Variants in TTC28 observed in about 807,000 individuals in gnomAD.
The protein encoded by TTC28 is tetratricopeptide repeat domain 28.
A neutral mutation model predicts 198.0 loss-of-function variants in TTC28; 61 were observed. The ratio of observed to expected loss-of-function variants is 0.31; its 90% confidence interval spans 0.25 to 0.38. TTC28 has a LOEUF of 0.38. Among genes scored for constraint, TTC28 ranks in the 10% least tolerant of loss-of-function variants. The probability of loss-of-function intolerance (pLI) is 1.00; values close to 1 mark genes in which losing one functional copy is unlikely to be tolerated. For synonymous variants in TTC28, 1,171 were observed against 1,297.8 expected (o/e 0.90, Z 2.10); for missense variants, 2,678 against 3,164.0 (o/e 0.85, Z 3.69).
chr22:28,606,821 G>A (rs1246113518), intron 2 of TTC28, among the ~76,000 whole-genome samples: 2 of 151,970 alleles, frequency 1.3e-5, no homozygotes, highest in Admixed American at 6.6e-5. Flanking sequence ...AAGATAAACA[G>A]GTAATAACAA....
chr22:28,655,761 G>C (rs1466132341), intron 1 of TTC28, among the ~76,000 whole-genome samples: 9 of 151,280 alleles, frequency 5.9e-5, no homozygotes, highest in Non-Finnish European at 1.3e-4. Flanking sequence ...TGAGGCAGGA[G>C]AATGGCGTGA....
At position 28,613,246 on chromosome 22, in the gene TTC28, CAAG is replaced by C. The variant is rs1477439240; in HGVS notation, c.381+16303_381+16305del. Among the ~76,000 whole-genome samples the C allele has an allele frequency of 7.2e-5, 11 of 152,112 alleles. No individual in the cohort carries two copies. In the South Asian group the frequency reaches 2.1e-3, roughly 29 times the overall value. On this transcript the variant is annotated intron_variant, in intron 2 of 22. Coordinates refer to ENST00000397906, the MANE Select transcript of TTC28 (RefSeq NM_001145418.2). ...CACATACACCCTCCCAAGACTAAAC[CAAG>C]AAGAAGTTGAATCCCTGAATAGACC...
chr22:28,640,277 T>G (rs1390869298), intron 1 of TTC28, among the ~76,000 whole-genome samples: 1 of 71,170 alleles, frequency 1.4e-5, no homozygotes, highest in Admixed American at 1.9e-4. Flanking sequence ...AAAGAAAAAA[T>G]CCCCAAAATC....
At chr22:28,099,125 C>G in intron 9 of TTC28, 81 bp from the exon 10 acceptor site, 1 of 1,509,910 alleles carries the variant, frequency 6.6e-7, no homozygotes, top group South Asian at 1.3e-5. Flanking sequence ...AACTTTTGCT[C>G]ATATCTTTGT....
chr22:28,475,497 C>A (rs1192617090), intron 2 of TTC28, among the ~76,000 whole-genome samples: 1 of 152,092 alleles, frequency 6.6e-6, no homozygotes, highest in African/African-American at 2.4e-5. Context: ...CCATTTTTTT[C>A]CCTCATCAAC....
chr22:28,167,854 T>A (rs1219169606), intron 5 of TTC28, among the ~76,000 whole-genome samples: 3 of 152,172 alleles, frequency 2.0e-5, no homozygotes, highest in African/African-American at 7.2e-5. Flanking sequence ...TAAAGGGTAT[T>A]CAATTAGGAA....
At position 28,082,735 on chromosome 22, in the gene TTC28, G is replaced by A. The variant is rs528937917; in HGVS notation, c.3932+11345C>T. Among the ~76,000 whole-genome samples, 156 of 152,024 alleles carry A rather than the reference G, an allele frequency of 1.0e-3. 1 individual carries two copies. The highest frequency in any genetic ancestry group is 3.4e-3 in the African/African-American group (139 of 41,474). ...ACTTGTGGTATCTTTGTCTGATTTC[G>A]GCATCATGGTAACTCTGGCCTCATA... On this transcript the variant is annotated intron_variant, in intron 12 of 22. Transcript: ENST00000397906.
chr22:28,512,702 C>G (rs898438877), intron 2 of TTC28, among the ~76,000 whole-genome samples: 2 of 152,146 alleles, frequency 1.3e-5, no homozygotes, highest in African/African-American at 4.8e-5. Flanking sequence ...GCACATCTCA[C>G]TTGTAAGTGG....
At chr22:28,410,807 T>C (rs2047069173) in intron 2 of TTC28, among the ~76,000 whole-genome samples, 1 of 152,132 alleles carries the variant, frequency 6.6e-6, no homozygotes. Context: ...TAGAAAAAAA[T>C]AGTAATTTAC....
At chr22:28,064,494 G>C (rs1940678272) in intron 12 of TTC28, among the ~76,000 whole-genome samples, 1 of 152,108 alleles carries the variant, frequency 6.6e-6, no homozygotes, top group Non-Finnish European at 1.5e-5. Flanking sequence ...TGAACCACTG[G>C]ACAGAAGAGC....
chr22:28,085,995 GC>G (rs1477088105), intron 12 of TTC28, among the ~76,000 whole-genome samples: 1 of 152,126 alleles, frequency 6.6e-6, no homozygotes, highest in Non-Finnish European at 1.5e-5. Flanking sequence ...CAATACAGGA[GC>G]ACCCAGATTC....
intron 16 of TTC28, 66 bp from the exon 17 acceptor site, chr22:27,996,325 C>T (rs939017899): frequency 6.6e-7 from 1 of 1,524,924 alleles, no homozygotes; most frequent in African/African-American, 1.4e-5. Flanking sequence ...CCCCGGCTTC[C>T]AGGGCTCACT....
chr22:28,360,682 G>A (rs1167705780), intron 2 of TTC28, among the ~76,000 whole-genome samples: 1 of 152,088 alleles, frequency 6.6e-6, no homozygotes, highest in Non-Finnish European at 1.5e-5. Flanking sequence ...TGGAAAACAA[G>A]GCCATGAAAT....
intron 2 of TTC28, among the ~76,000 whole-genome samples, chr22:28,531,046 T>A (rs186522657): frequency 4.6e-5 from 7 of 152,154 alleles, no homozygotes; most frequent in Non-Finnish European, 1.0e-4. Flanking sequence ...AGGATCAAAT[T>A]CACACATAAC....
At chr22:27,994,318 C>T (rs901104214) in intron 17 of TTC28, among the ~76,000 whole-genome samples, 4 of 152,178 alleles carry the variant, frequency 2.6e-5, no homozygotes, top group African/African-American at 4.8e-5. Flanking sequence ...AACAGTAGTG[C>T]AAACAGCTTT....
intron 2 of TTC28, among the ~76,000 whole-genome samples, chr22:28,340,730 G>A (rs1179874589): frequency 1.3e-5 from 2 of 152,090 alleles, no homozygotes; most frequent in African/African-American, 2.4e-5. Context: ...AACCTAATCT[G>A]AGTCACAATC....
At chr22:28,538,145 C>CA (rs1483183143) in intron 2 of TTC28, among the ~76,000 whole-genome samples, 11 of 152,168 alleles carry the variant, frequency 7.2e-5, no homozygotes, top group Admixed American at 5.9e-4. Context: ...AGTACAGTGG[C>CA]ATGATCACAG....
chr22:28,404,567 T>C (rs757520658), intron 2 of TTC28, among the ~76,000 whole-genome samples: 4 of 152,188 alleles, frequency 2.6e-5, no homozygotes, highest in Admixed American at 1.3e-4. Context: ...TTCTCACTCA[T>C]GGCCTGCATC....
chr22:28,485,352 A>G (rs140204442), intron 2 of TTC28, among the ~76,000 whole-genome samples: 4 of 152,322 alleles, frequency 2.6e-5, no homozygotes, highest in East Asian at 3.9e-4. Context: ...AGAGTAATCT[A>G]TAACAGTGAC....
Sources: gnomAD v4.1 joint callset for allele counts (sites outside exome capture counted in the v4.1 genomes callset) on GRCh38, gnomAD v4.1.1 for gene constraint, MANE v1.5 for transcripts, NCBI Gene and HGNC (gene_info 2026-07-23, HGNC 2026-07-21) for gene names.